The following FGGY variants were observed in gnomAD, a reference collection of about 807,000 sequenced individuals.
FGGY encodes FGGY carbohydrate kinase domain containing.
FGGY carries 72 observed loss-of-function variants against 71.3 expected under a neutral mutation model. That is an observed-to-expected ratio of 1.01 (90% CI 0.84 to 1.23). The LOEUF is 1.23. FGGY is among the 50% of genes most tolerant of loss of function. FGGY has a pLI of 0.00. For missense variants in FGGY, 668 were observed against 682.3 expected (o/e 0.98, Z 0.23); for synonymous variants, 251 against 250.3 (o/e 1.00, Z -0.02).
intron 5 of FGGY, among the ~76,000 whole-genome samples, chr1:59,441,279 T>C (rs1351885910): frequency 6.6e-6 from 1 of 152,198 alleles, no homozygotes; most frequent in Non-Finnish European, 1.5e-5. Context: ...TAGAGCATTC[T>C]AAGTGGTTTT....
At chr1:59,486,642 T>C (rs1170989139) in intron 6 of FGGY, among the ~76,000 whole-genome samples, 1 of 152,166 alleles carries the variant, frequency 6.6e-6, no homozygotes, top group East Asian at 1.9e-4. Context: ...CTTGGGATGC[T>C]TTCCCAGCCT....
chr1:59,623,910 T>C (rs2096833510), intron 9 of FGGY, among the ~76,000 whole-genome samples: 1 of 152,188 alleles, frequency 6.6e-6, no homozygotes, highest in Non-Finnish European at 1.5e-5. Context: ...GGAAGCTCAT[T>C]TAAATCTCTC....
At chr1:59,517,720 G>A (rs2094703478) in intron 7 of FGGY, among the ~76,000 whole-genome samples, 1 of 152,130 alleles carries the variant, frequency 6.6e-6, no homozygotes, top group African/African-American at 2.4e-5. Flanking sequence ...TGGGCAACCT[G>A]TTGTTTCATA....
At chr1:59,346,552 G>A (rs566850628) in intron 4 of FGGY, among the ~76,000 whole-genome samples, 154 bp downstream of exon 4, 1 of 152,268 alleles carries the variant, frequency 6.6e-6, no homozygotes, top group East Asian at 1.9e-4. Flanking sequence ...TGATTACAGT[G>A]TAGTTAAATC....
intron 5 of FGGY, among the ~76,000 whole-genome samples, chr1:59,450,724 G>A (rs2072506112): frequency 6.6e-6 from 1 of 151,860 alleles, no homozygotes; most frequent in Non-Finnish European, 1.5e-5. Flanking sequence ...ATACTACATT[G>A]TTTGGTTCAT....
At chr1:59,516,860 C>T (rs2094668625) in intron 7 of FGGY, among the ~76,000 whole-genome samples, 2 of 152,098 alleles carry the variant, frequency 1.3e-5, no homozygotes, top group South Asian at 4.1e-4. Context: ...CAGCACTCTG[C>T]TTTAGAGAAA....
At chr1:59,480,658 G>A (rs2093436013) in intron 6 of FGGY, among the ~76,000 whole-genome samples, 1 of 152,158 alleles carries the variant, frequency 6.6e-6, no homozygotes, top group Admixed American at 6.5e-5. Context: ...CCTTCAATGA[G>A]GAAGTGTTTT....
At chr1:59,468,429 T>A (rs2092760039) in intron 6 of FGGY, among the ~76,000 whole-genome samples, 1 of 152,206 alleles carries the variant, frequency 6.6e-6, no homozygotes. Context: ...TTTTCTATCT[T>A]AGGAAATATC....
At chr1:59,463,011 A>T (rs958790529) in intron 6 of FGGY, among the ~76,000 whole-genome samples, 3 of 152,176 alleles carry the variant, frequency 2.0e-5, no homozygotes, top group Non-Finnish European at 4.4e-5. Flanking sequence ...ATGCACACGT[A>T]TGTTTATTGC....
intron 14 of FGGY, among the ~76,000 whole-genome samples, chr1:59,743,367 G>A (rs376574949): frequency 1.1e-4 from 16 of 152,278 alleles, no homozygotes; most frequent in African/African-American, 3.6e-4. Flanking sequence ...ACTTCATGAG[G>A]TCAGGGATCA....
chr1:59,586,273 A>G (rs527869945), intron 8 of FGGY, among the ~76,000 whole-genome samples: 1 of 152,340 alleles, frequency 6.6e-6, no homozygotes, highest in South Asian at 2.1e-4. Context: ...ATATCCAACA[A>G]TGATAGACTG....
chr1:59,369,108 G>A (rs1257320601), intron 4 of FGGY, among the ~76,000 whole-genome samples: 1 of 152,332 alleles, frequency 6.6e-6, no homozygotes, highest in East Asian at 1.9e-4. Flanking sequence ...AGCAGGGCGA[G>A]GCATTGCCTC....
chr1:59,456,473 G>A (rs1406915597), intron 5 of FGGY, among the ~76,000 whole-genome samples: 1 of 138,096 alleles, frequency 7.2e-6, no homozygotes, highest in African/African-American at 2.7e-5. Context: ...TTTTGAGACA[G>A]AGTCTCACCC....
intron 9 of FGGY, among the ~76,000 whole-genome samples, chr1:59,621,534 T>C (rs2096807685): frequency 6.7e-6 from 1 of 148,966 alleles, no homozygotes; most frequent in African/African-American, 2.6e-5. Flanking sequence ...AGACATTCTC[T>C]CTATTTTTTT....
intron 6 of FGGY, among the ~76,000 whole-genome samples, chr1:59,505,783 T>C (rs1030358270): frequency 6.6e-6 from 1 of 152,198 alleles, no homozygotes; most frequent in African/African-American, 2.4e-5. Context: ...TAATTTCTGC[T>C]GCTGACATCA....
chr1:59,652,496 A>G (rs1484643723), intron 11 of FGGY, among the ~76,000 whole-genome samples: 1 of 142,840 alleles, frequency 7.0e-6, no homozygotes, highest in Non-Finnish European at 1.5e-5. Flanking sequence ...GCTTCATTTC[A>G]TTCATTTCAT....
chr1:59,607,098 A>T (rs149871653), intron 8 of FGGY, among the ~76,000 whole-genome samples: 181 of 152,332 alleles, frequency 1.2e-3, no homozygotes, highest in African/African-American at 4.2e-3. Context: ...ACAACAGTAG[A>T]CATTTATTTT....
chr1:59,369,270 T>A (rs2057140445), intron 4 of FGGY, among the ~76,000 whole-genome samples: 1 of 152,184 alleles, frequency 6.6e-6, no homozygotes, highest in African/African-American at 2.4e-5. Flanking sequence ...ATCCTGCACA[T>A]GGCTCGGAGG....
chr1:59,487,361 T>A (rs562151737), intron 6 of FGGY, among the ~76,000 whole-genome samples: 200 of 152,310 alleles, frequency 1.3e-3, no homozygotes, highest in Non-Finnish European at 2.2e-3. Flanking sequence ...ATAACACTTA[T>A]CACATTTGAA....
Sources: allele counts gnomAD v4.1 joint callset (sites outside exome capture counted in the v4.1 genomes callset), GRCh38; gene constraint gnomAD v4.1.1; transcripts MANE v1.5; gene names NCBI Gene and HGNC (gene_info 2026-07-23, HGNC 2026-07-21).